HIPK4: variants seen among roughly 807,000 people sequenced by gnomAD.
The protein encoded by HIPK4 is homeodomain-interacting protein kinase 4.
In HIPK4, 26 loss-of-function variants were observed where a neutral mutation model predicts 44.8. That is an observed-to-expected ratio of 0.58 (90% CI 0.43 to 0.80). The LOEUF is 0.80. HIPK4 is among the 30% of genes least tolerant of loss of function. HIPK4 has a pLI of 0.00. For missense variants in HIPK4, 729 were observed against 862.6 expected, an observed-to-expected ratio of 0.85 and a Z score of 1.94; for synonymous variants, 340 against 355.5, an observed-to-expected ratio of 0.96 and a Z score of 0.49.
In HIPK4 at chr19:40,380,011, C is replaced by A. The variant is rs1317257279; in HGVS notation, c.1669-242G>T. 1.3e-5 allele frequency among the ~76,000 whole-genome samples: 2 copies of A among 152,132 alleles called. No individual in the cohort carries two copies. The highest frequency in any genetic ancestry group is 2.9e-5 in the Non-Finnish European group (2 of 68,028). On this transcript the variant is annotated intron_variant, in intron 3 of 3. Coordinates refer to ENST00000291823, the MANE Select transcript of HIPK4 (RefSeq NM_144685.5). This position sits in a 1 kb window ranked among gnomAD's most constrained non-coding sequence, Gnocchi z 4.2. ...GACTACAGGTGCATGCCACCAAAAC[C>A]AGCTAATATTTCTAATTTTTTGGTG...
rs779499320 is a variant in HIPK4, at chr19:40,389,193, C to T, written c.465+245G>A. ...AAAAAAAATTAGCTGGGCGTGGTGGCGCATCCCTGTAATCCCAGCAACTCG... is the reference window on the plus strand; with the variant it reads ...AAAAAAAATTAGCTGGGCGTGGTGGTGCATCCCTGTAATCCCAGCAACTCG... On this transcript the variant is annotated intron_variant, in intron 1 of 3. Coordinates refer to ENST00000291823, the MANE Select transcript of HIPK4 (RefSeq NM_144685.5). The surrounding 1 kb of genome is among the most constrained non-coding windows in gnomAD (Gnocchi z 4.6). Among the ~76,000 whole-genome samples the T allele has an allele frequency of 6.6e-6, 1 of 151,860 alleles. No homozygotes were observed. The highest frequency in any genetic ancestry group is 1.5e-5 in the Non-Finnish European group (1 of 67,984).
At chr19:40,383,224 A>C (rs1299251548) in intron 2 of HIPK4, among the ~76,000 whole-genome samples, 1 of 150,860 alleles carries the variant, frequency 6.6e-6, no homozygotes, top group Non-Finnish European at 1.5e-5. Flanking sequence ...CTGGAATTAC[A>C]GGCGTCTGCC....
chr19:40,384,603 C>G (rs1017212707), intron 1 of HIPK4, among the ~76,000 whole-genome samples: 1 of 135,898 alleles, frequency 7.4e-6, no homozygotes, highest in African/African-American at 2.8e-5. Flanking sequence ...CCGCACCCAG[C>G]CTTTGTTGGT....
At position 40,379,283 on chromosome 19, in the gene HIPK4, C is replaced by A. The variant is rs754559211; in HGVS notation, c.*304G>T. On this transcript the variant is annotated 3_prime_UTR_variant, in exon 4 of 4. Coordinates refer to ENST00000291823, the MANE Select transcript of HIPK4 (RefSeq NM_144685.5). ...CTTGAAGCAGGACTGCTGAACAGTTCTATATTGAAATAGACAGAGGCAGCA... is the reference window on the plus strand; with the variant it reads ...CTTGAAGCAGGACTGCTGAACAGTTATATATTGAAATAGACAGAGGCAGCA... The A allele has an allele frequency of 3.4e-4, 125 of 365,346 alleles. No homozygotes were observed. The highest frequency in any genetic ancestry group is 1.5e-3 in the Middle Eastern group (2 of 1,362). 22.6% of individuals were successfully genotyped at this position (365,346 alleles called of 1,614,324 possible).
intron 1 of HIPK4, among the ~76,000 whole-genome samples, chr19:40,387,211 G>T (rs1302447541): frequency 1.3e-5 from 2 of 151,822 alleles, no homozygotes; most frequent in Non-Finnish European, 2.9e-5. Context: ...CCTGTCTCTT[G>T]TCTCTCAGTG....
chr19:40,380,661 C>G lies in HIPK4; in HGVS notation c.1330G>C (p.Glu444Gln). ...TCGGAGACCGCATTGGTGCAGGTCTCACCCCACAGCCCATGCCCAGCCTCC... is the reference window on the plus strand; with the variant it reads ...TCGGAGACCGCATTGGTGCAGGTCTGACCCCACAGCCCATGCCCAGCCTCC... ...LQEAGHGLWG[E>Q]TCTNAVSDMM... is the part of the protein sequence containing the mutation. The change falls in exon 3 of 4, where the codon GAG (glutamate) becomes CAG (glutamine). Residue 444 changes from glutamate to glutamine, a missense_variant. Transcript: ENST00000291823. The surrounding 1 kb of genome is among the most constrained non-coding windows in gnomAD (Gnocchi z 4.2). The G allele has an allele frequency of 6.2e-7, 1 of 1,614,008 alleles. No individual in the cohort carries two copies. The highest frequency in any genetic ancestry group is 8.5e-7 in the Non-Finnish European group (1 of 1,179,944).
At chr19:40,382,995 T>C (rs71337569) in intron 2 of HIPK4, among the ~76,000 whole-genome samples, 2 of 149,280 alleles carry the variant, frequency 1.3e-5, no homozygotes, top group East Asian at 4.1e-4. Context: ...TGCAGTGAGC[T>C]GAGACCGCAC....
In HIPK4 at chr19:40,389,344, T is replaced by A; in HGVS notation, c.465+94A>T. ...GTCTCAAAAATAATAATAATAATAA[T>A]TTTAAAAAATTAAAAAAAAAATCTA... On this transcript the variant is annotated intron_variant, in intron 1 of 3. Coordinates refer to ENST00000291823, the MANE Select transcript of HIPK4 (RefSeq NM_144685.5). The surrounding 1 kb of genome is among the most constrained non-coding windows in gnomAD (Gnocchi z 4.6). 1.8e-6 allele frequency: 1 copy of A among 570,608 alleles called. No individual in the cohort carries two copies. 35.3% of individuals were successfully genotyped at this position (570,608 alleles called of 1,614,324 possible). A position where few individuals can be genotyped will look rare whatever the true frequency, so the allele number is the denominator to read the frequency against.
At chr19:40,382,331 G>C (rs1471284263) in intron 2 of HIPK4, among the ~76,000 whole-genome samples, 2 of 152,254 alleles carry the variant, frequency 1.3e-5, no homozygotes, top group East Asian at 3.9e-4. Flanking sequence ...ATGACTTCAA[G>C]TGATCCTCCT....
At chr19:40,381,424 A>G (rs1282056948) in intron 2 of HIPK4, among the ~76,000 whole-genome samples, 1 of 152,134 alleles carries the variant, frequency 6.6e-6, no homozygotes, top group Non-Finnish European at 1.5e-5. Context: ...TGCAGCCCCT[A>G]CCAGCAGCTA....
Position 40,380,923 on chromosome 19 carries a change from G to A in HIPK4, c.1068C>T (p.His356=), listed in dbSNP as rs143809673. The A allele has an allele frequency of 1.3e-4, 201 of 1,605,622 alleles. No individual in the cohort carries two copies. The African/African-American group carries it at 2.4e-3, about 19-fold the overall frequency. ...FVSMQQLRSA[H]ETTHYYQLSL... The stretch of plus-strand genomic sequence containing the variant: ...AGAGCTGGTAGTAGTGGGTGGTCTC[G>A]TGGGCACTGCGCAGCTGCTGCATGG... The change falls in exon 3 of 4, where the codon CAC becomes CAT. Residue 356 remains histidine (H), a synonymous_variant. Coordinates refer to ENST00000291823, the MANE Select transcript of HIPK4 (RefSeq NM_144685.5). This position sits in a 1 kb window ranked among gnomAD's most constrained non-coding sequence, Gnocchi z 4.2.
chr19:40,381,666 G>A (rs1405149914), intron 2 of HIPK4, among the ~76,000 whole-genome samples: 1 of 151,780 alleles, frequency 6.6e-6, no homozygotes. Flanking sequence ...CAAACTCCTA[G>A]TCCCCTCTGC....
Position 40,379,699 on chromosome 19 carries a change from A to G in HIPK4, c.1739T>C (p.Leu580Pro). 2 of 1,605,362 alleles carry G rather than the reference A, an allele frequency of 1.2e-6. No homozygotes were observed. Among genetic ancestry groups the G allele is most frequent in the Non-Finnish European group, 1.7e-6 (2 of 1,177,274 alleles). The change falls in exon 4 of 4, where the codon CTG (leucine) becomes CCG (proline). Residue 580 changes from leucine (L) to proline (P), a missense_variant. Physicochemically the swap from Leu to Pro is moderately conservative, Grantham distance 98. Around this residue, in one of 2 missense-constraint regions of HIPK4, gnomAD observed 533 missense variants for 567.5 expected, o/e 0.94. Coordinates refer to ENST00000291823, the MANE Select transcript of HIPK4 (RefSeq NM_144685.5). ...AGCCCGTGGGCCCCTGACGCTCTCC[A>G]GGGTGCAGTCTGGCTCACTCAGCCA... is the stretch of plus-strand genomic sequence containing the variant. ...GEWLSEPDCT[L>P]ESVRGPRAQG...
chr19:40,383,776 C>T lies in HIPK4; in HGVS notation c.822+7G>A. On this transcript the variant is annotated splice_region_variant and intron_variant, in intron 2 of 3. Transcript: ENST00000291823. ...CACTGACTGCCCTCACCCAACTTTT[C>T]CCTTACCTTCGTCTCGGCCAGGTAG... 1 of 1,594,602 alleles carries T rather than the reference C, an allele frequency of 6.3e-7. No individual in the cohort carries two copies. The highest frequency in any genetic ancestry group is 8.6e-7 in the Non-Finnish European group (1 of 1,167,386).
At position 40,389,384 on chromosome 19, in the gene HIPK4, TG is replaced by T; in HGVS notation, c.465+53del. 1 of 955,692 alleles carries T rather than the reference TG, an allele frequency of 1.0e-6. No homozygotes were observed. The highest frequency in any genetic ancestry group is 1.4e-6 in the Non-Finnish European group (1 of 698,756). 59.2% of individuals were successfully genotyped at this position (955,692 alleles called of 1,614,324 possible). ...AAAAAAATCTAGGGCTGGAAGAAGC[TG>T]GGAAAAAGACAAGGAACTAGGGACG... On this transcript the variant is annotated intron_variant, in intron 1 of 3. Transcript: ENST00000291823. The surrounding 1 kb of genome is among the most constrained non-coding windows in gnomAD (Gnocchi z 4.6).
In HIPK4 at chr19:40,384,153, G is replaced by A. The variant is rs748217339; in HGVS notation, c.466-14C>T. On this transcript the variant is annotated splice_polypyrimidine_tract_variant and intron_variant, in intron 1 of 3. Coordinates refer to ENST00000291823, the MANE Select transcript of HIPK4 (RefSeq NM_144685.5). ...GAAGTCAATCACCTGTCGGGGGTGG[G>A]GAAGAGGGCGAGTGGGCAGGTCAAG... 203 of 1,555,490 alleles carry A rather than the reference G, an allele frequency of 1.3e-4. No individual in the cohort carries two copies. The highest frequency in any genetic ancestry group is 1.7e-4 in the Non-Finnish European group (198 of 1,144,540).
chr19:40,390,019 C>T lies in HIPK4; in HGVS notation c.-117G>A, dbSNP rs751177611. On this transcript the variant is annotated 5_prime_UTR_variant, in exon 1 of 4. Transcript: ENST00000291823. ...CCCCCCAGTGGGGGAAAGAGAACCG[C>T]ACTCGTGTCTCCTCCTATGAGGTTG... 2.7e-6 allele frequency: 2 copies of T among 731,674 alleles called. No individual in the cohort carries two copies. The highest frequency in any genetic ancestry group is 4.5e-6 in the Non-Finnish European group (2 of 449,426). 45.3% of individuals were successfully genotyped at this position (731,674 alleles called of 1,614,324 possible).
rs745738207 is a variant in HIPK4, at chr19:40,379,786, A to G, written c.1669-17T>C. On this transcript the variant is annotated splice_polypyrimidine_tract_variant and intron_variant, in intron 3 of 3. Transcript: ENST00000291823. ...GTCTGGCCTCTGTGGGGGAAGAGAG[A>G]GGGGCATCAGCCAAGCAGTGTTAGT... 1.2e-6 allele frequency: 2 copies of G among 1,603,352 alleles called. No individual in the cohort carries two copies. The highest frequency in any genetic ancestry group is 1.1e-5 in the South Asian group (1 of 89,512).
intron 1 of HIPK4, among the ~76,000 whole-genome samples, chr19:40,387,582 G>A (rs1424440049): frequency 4.0e-5 from 6 of 151,800 alleles, no homozygotes; most frequent in Admixed American, 1.3e-4. Flanking sequence ...GGGTTCAAGC[G>A]ATTCTCCTGC....
Sources: gnomAD v4.1 joint callset for allele counts (sites outside exome capture counted in the v4.1 genomes callset) on GRCh38, gnomAD v4.1.1 for gene constraint, gnomAD v4.1.1 regional missense constraint, Gnocchi (gnomAD v3.1) non-coding constraint, MANE v1.5 for transcripts, NCBI Gene and HGNC (gene_info 2026-07-23, HGNC 2026-07-21) for gene names.